The following MAML1 variants were observed in gnomAD, a reference collection of about 807,000 sequenced individuals.
MAML1 encodes the protein mastermind like transcriptional coactivator 1.
A neutral mutation model predicts 77.1 loss-of-function variants in MAML1; 14 were observed. The ratio of observed to expected loss-of-function variants is 0.18; its 90% confidence interval spans 0.12 to 0.28. The LOEUF is 0.28. Among genes scored for constraint, MAML1 ranks in the 10% least tolerant of loss-of-function variants. The pLI is 1.00. For missense variants in MAML1, 1,217 were observed against 1,327.8 expected (o/e 0.92, Z 1.30); for synonymous variants, 516 against 551.9 (o/e 0.93, Z 0.91).
intron 1 of MAML1, among the ~76,000 whole-genome samples, chr5:179,752,235 A>G (rs373759788): frequency 6.7e-6 from 1 of 148,614 alleles, no homozygotes; most frequent in African/African-American, 2.5e-5. Context: ...CTGAGGCAGG[A>G]GAATCGCTTG....
chr5:179,772,352 C>T lies in MAML1; in HGVS notation c.2068+1109C>T, dbSNP rs148817747. Among the ~76,000 whole-genome samples the T allele has an allele frequency of 2.3e-3, 351 of 152,176 alleles. 1 individual carries two copies. The highest frequency in any genetic ancestry group is 4.3e-3 in the Non-Finnish European group (294 of 68,006). ...CAGGCTGATCTCACATACCTGACCT[C>T]GTGATCTGCCCGCCTTGGCCTCCCA... is the stretch of plus-strand genomic sequence containing the variant. On this transcript the variant is annotated intron_variant, in intron 4 of 4. Transcript: ENST00000292599.
In MAML1 at chr5:179,775,925, G is replaced by C; in HGVS notation, c.*1048G>C. ...ACCTTAGCATAAAGGTTTTGGGGAA[G>C]GAGGCCGTAGGCCGGCCCGGAGGAA... On this transcript the variant is annotated 3_prime_UTR_variant, in exon 5 of 5. Transcript: ENST00000292599. 1.0e-6 allele frequency: 1 copy of C among 985,706 alleles called. No individual in the cohort carries two copies. Among genetic ancestry groups the C allele is most frequent in the South Asian group, 4.7e-5 (1 of 21,288 alleles). 61.1% of individuals were successfully genotyped at this position (985,706 alleles called of 1,614,324 possible).
chr5:179,770,517 A>G lies in MAML1; in HGVS notation c.1972-630A>G, dbSNP rs541010198. On this transcript the variant is annotated intron_variant, in intron 3 of 4. Coordinates refer to ENST00000292599, the MANE Select transcript of MAML1 (RefSeq NM_014757.5). ...GTCATTTTCAATCATGTGCTAGGTA[A>G]CAGCAATTGATTCCTCTTGATAATA... Among the ~76,000 whole-genome samples the G allele has an allele frequency of 2.3e-4, 35 of 152,298 alleles. No individual in the cohort carries two copies. In the East Asian group the frequency reaches 2.7e-3, roughly 12 times the overall value.
intron 1 of MAML1, among the ~76,000 whole-genome samples, chr5:179,751,769 G>A (rs554231675): frequency 6.6e-6 from 1 of 151,608 alleles, no homozygotes; most frequent in South Asian, 2.1e-4. Context: ...CCCAGCACTT[G>A]GGGAGGCTGA....
chr5:179,761,004 G>C (rs1391998321), intron 1 of MAML1, among the ~76,000 whole-genome samples: 3 of 152,164 alleles, frequency 2.0e-5, no homozygotes, highest in Non-Finnish European at 2.9e-5. Flanking sequence ...TGAGGCAGGA[G>C]AATGGCATGA....
Position 179,765,610 on chromosome 5 carries a change from A to C in MAML1, c.600A>C (p.Gly200=), listed in dbSNP as rs1779802455. The C allele has an allele frequency of 6.2e-7, 1 of 1,614,202 alleles. No individual in the cohort carries two copies. Among genetic ancestry groups the C allele is most frequent in the Admixed American group, 1.7e-5 (1 of 60,020 alleles). ...CTGACTCCAGCCTTCACTTGAATGG[A>C]GGCAGTAACCCCAGTGAGTCATTTC... ...RLADSSLHLN[G]GSNPSESFPL... is the part of the protein sequence containing the mutation. Residue 200 remains glycine (G), a synonymous_variant, in exon 2 of 5, where the codon GGA becomes GGC. Transcript: ENST00000292599.
In MAML1 at chr5:179,766,207, C is replaced by T. The variant is rs147870312; in HGVS notation, c.1197C>T (p.Leu399=). 76 of 1,612,210 alleles carry T rather than the reference C, an allele frequency of 4.7e-5. No homozygotes were observed. In the African/African-American group the frequency reaches 8.4e-4, roughly 18 times the overall value. The change falls in exon 2 of 5, where the codon CTC becomes CTT. Residue 399 remains leucine, a synonymous_variant. Coordinates refer to ENST00000292599, the MANE Select transcript of MAML1 (RefSeq NM_014757.5). This position sits in a 1 kb window ranked among gnomAD's most constrained non-coding sequence, Gnocchi z 4.0. ...GASELSSAHQ[L]QQIAAKQKRE... ...CAGAGCTGTCCTCTGCCCACCAGCT[C>T]CAGCAGATCGCTGCCAAGCAGAAGC... is the stretch of plus-strand genomic sequence containing the variant.
In MAML1 at chr5:179,733,356, G is replaced by A; in HGVS notation, c.244G>A (p.Ala82Thr). Reference protein sequence around the residue: ...GKHRQPPAATAPAPAAPAPRL... With the variant: ...GKHRQPPAATTPAPAAPAPRL... ...GCACAGGCAGCCGCCCGCCGCCACG[G>A]CCCCGGCGCCCGCCGCCCCGGCCCC... The change falls in exon 1 of 5, where the codon GCC (alanine) becomes ACC (threonine). Residue 82 changes from alanine (A) to threonine (T), a missense_variant. Ala to Thr is a moderately conservative substitution (Grantham distance 58). Transcript: ENST00000292599. 1 of 1,243,882 alleles carries A rather than the reference G, an allele frequency of 8.0e-7. No homozygotes were observed. The highest frequency in any genetic ancestry group is 1.0e-6 in the Non-Finnish European group (1 of 996,108). The allele number at this position is 1,243,882 out of a possible 1,614,324, so 77.1% of individuals were successfully genotyped here.
At chr5:179,744,000 T>C (rs934499361) in intron 1 of MAML1, among the ~76,000 whole-genome samples, 1 of 152,220 alleles carries the variant, frequency 6.6e-6, no homozygotes, top group African/African-American at 2.4e-5. Flanking sequence ...AGCGATATGC[T>C]ATCTTTCATC....
Position 179,765,438 on chromosome 5 carries a change from A to C in MAML1, c.428A>C (p.Glu143Ala). 6.2e-7 allele frequency: 1 copy of C among 1,614,202 alleles called. No individual in the cohort carries two copies. The highest frequency in any genetic ancestry group is 8.5e-7 in the Non-Finnish European group (1 of 1,180,036). The change falls in exon 2 of 5, where the codon GAG (glutamate) becomes GCG (alanine). Residue 143 changes from glutamate to alanine, a missense_variant. This residue lies in a region of MAML1 where 312 missense variants were observed against 331.4 expected (regional missense o/e 0.94). Coordinates refer to ENST00000292599, the MANE Select transcript of MAML1 (RefSeq NM_014757.5). ...LFPGHKKTRR[E>A]APLGVAISSN... ...CCTGGGCATAAGAAGACTCGCCGGG[A>C]GGCCCCTCTGGGAGTTGCCATCTCT...
rs1444862315 is a variant in MAML1, at chr5:179,733,064, C to G, written c.-49C>G. On this transcript the variant is annotated 5_prime_UTR_variant, in exon 1 of 5. Transcript: ENST00000292599. ...GGGGAGCGAAGCCCGCAGTGCCAGC[C>G]GGCCCCGAGAGGCCCGGCCCCGGGC... 4.3e-6 allele frequency: 5 copies of G among 1,165,408 alleles called. No individual in the cohort carries two copies. In the African/African-American group the frequency reaches 6.5e-5, roughly 15 times the overall value. 72.2% of individuals were successfully genotyped at this position (1,165,408 alleles called of 1,614,324 possible).
intron 1 of MAML1, among the ~76,000 whole-genome samples, chr5:179,759,620 AG>A (rs1779687575): frequency 6.6e-6 from 1 of 152,192 alleles, no homozygotes; most frequent in Admixed American, 6.5e-5. Context: ...ACCTGAAGAG[AG>A]GGTCAGGGCT....
At position 179,766,835 on chromosome 5, in the gene MAML1, T is replaced by C. The variant is rs1779829566; in HGVS notation, c.1731+94T>C. On this transcript the variant is annotated intron_variant, in intron 2 of 4. Transcript: ENST00000292599. The surrounding 1 kb of genome is among the most constrained non-coding windows in gnomAD (Gnocchi z 4.0). Reference sequence around the variant, plus strand: ...ATGTTAATTGGATCCGAGGTAGTTGTGGGAAGAGGGAGGAGGGAATAGCTG... The same window carrying C: ...ATGTTAATTGGATCCGAGGTAGTTGCGGGAAGAGGGAGGAGGGAATAGCTG... The C allele has an allele frequency of 1.9e-6, 2 of 1,058,708 alleles. No homozygotes were observed. Among genetic ancestry groups the C allele is most frequent in the Non-Finnish European group, 2.6e-6 (2 of 756,200 alleles). The allele number at this position is 1,058,708 out of a possible 1,614,324, so 65.6% of individuals were successfully genotyped here. A position where few individuals can be genotyped will look rare whatever the true frequency, so the allele number is the denominator to read the frequency against.
In MAML1 at chr5:179,777,236, TTC is replaced by T. The variant is rs1407972608; in HGVS notation, c.*2360_*2361del. 5.2e-6 allele frequency: 5 copies of T among 966,098 alleles called. No individual in the cohort carries two copies. The highest frequency in any genetic ancestry group is 6.2e-6 in the Non-Finnish European group (5 of 812,316). The allele number at this position is 966,098 out of a possible 1,614,324, so 59.8% of individuals were successfully genotyped here. On this transcript the variant is annotated 3_prime_UTR_variant, in exon 5 of 5. Coordinates refer to ENST00000292599, the MANE Select transcript of MAML1 (RefSeq NM_014757.5). ...TATACACCAAAAAGAAATCTTTACT[TTC>T]CTTGTTTTATCATTATAAAAATAAA...
intron 1 of MAML1, among the ~76,000 whole-genome samples, chr5:179,749,426 A>C (rs971280205): frequency 6.6e-6 from 1 of 151,550 alleles, no homozygotes; most frequent in African/African-American, 2.4e-5. Context: ...GCACCCAGCA[A>C]ATTTTTGTAT....
Position 179,753,107 on chromosome 5 carries a change from A to T in MAML1, c.316-12219A>T, listed in dbSNP as rs116627766. On this transcript the variant is annotated intron_variant, in intron 1 of 4. Transcript: ENST00000292599. ...AACTCTTATCTCACTGTCACTTCAC[A>T]ATCATTGGAACAGGAAAGACTGTAT... is the stretch of plus-strand genomic sequence containing the variant. Among the ~76,000 whole-genome samples the T allele has an allele frequency of 7.8e-3, 1,183 of 152,168 alleles. 17 individuals carry two copies. The highest frequency in any genetic ancestry group is 0.027 in the African/African-American group (1,131 of 41,478).
rs1392187653 is a variant in MAML1 at position 179,769,448 on chromosome 5, T to C, written c.1971+359T>C. Among the ~76,000 whole-genome samples, 44 of 152,146 alleles carry C rather than the reference T, an allele frequency of 2.9e-4. No homozygotes were observed. Among genetic ancestry groups the C allele is most frequent in the Admixed American group, 2.9e-3 (44 of 15,278 alleles). On this transcript the variant is annotated intron_variant, in intron 3 of 4. Coordinates refer to ENST00000292599, the MANE Select transcript of MAML1 (RefSeq NM_014757.5). This position sits in a 1 kb window ranked among gnomAD's most constrained non-coding sequence, Gnocchi z 4.2. ...AGCTTTGCTGCCACTACAGAGCCTG[T>C]TATAAGCCAGAACGTGAAGAGGGAA...
rs558266393 is a variant in MAML1, at chr5:179,749,970, G to A, written c.316-15356G>A. On this transcript the variant is annotated intron_variant, in intron 1 of 4. Transcript: ENST00000292599. ...CCCAAAACTCCAAGATCTTGCTCAC[G>A]ACTTCCTCAGGAGGGGCTTTGTCAG... Among the ~76,000 whole-genome samples the A allele has an allele frequency of 2.6e-5, 4 of 152,212 alleles. No individual in the cohort carries two copies. In the East Asian group the frequency reaches 7.7e-4, roughly 29 times the overall value.
At position 179,777,164 on chromosome 5, in the gene MAML1, TA is replaced by T. The variant is rs1481732363; in HGVS notation, c.*2291del. 3 of 984,298 alleles carry T rather than the reference TA, an allele frequency of 3.0e-6. No homozygotes were observed. Among genetic ancestry groups the T allele is most frequent in the Non-Finnish European group, 3.6e-6 (3 of 828,708 alleles). The allele number at this position is 984,298 out of a possible 1,614,324, so 61.0% of individuals were successfully genotyped here. A position where few individuals can be genotyped will look rare whatever the true frequency, so the allele number is the denominator to read the frequency against. The stretch of plus-strand genomic sequence containing the variant: ...ACTTTTTATTGTCATCAAAAGTTCA[TA>T]AAAGTCCTATTAATCCCCATATTCT... On this transcript the variant is annotated 3_prime_UTR_variant, in exon 5 of 5. Coordinates refer to ENST00000292599, the MANE Select transcript of MAML1 (RefSeq NM_014757.5).
Sources: allele counts gnomAD v4.1 joint callset (sites outside exome capture counted in the v4.1 genomes callset), GRCh38; gene constraint gnomAD v4.1.1; regional missense constraint gnomAD v4.1.1; non-coding constraint Gnocchi (gnomAD v3.1); transcripts MANE v1.5; gene names NCBI Gene and HGNC (gene_info 2026-07-23, HGNC 2026-07-21).